Variants in RPGRIP1L observed in about 807,000 individuals in gnomAD.
The protein encoded by RPGRIP1L is RPGRIP1 like, also known as protein fantom.
In RPGRIP1L, 131 loss-of-function variants were observed where a neutral mutation model predicts 160.4. The ratio of observed to expected loss-of-function variants is 0.82; its 90% CI spans 0.71 to 0.94. The LOEUF is 0.94. Among genes scored for constraint, RPGRIP1L ranks in the 40% least tolerant of loss-of-function variants. The probability of loss-of-function intolerance (pLI) is 0.00; values close to 1 mark genes in which losing one functional copy is unlikely to be tolerated. For missense variants in RPGRIP1L, 1,522 were observed against 1,535.8 expected, an observed-to-expected ratio of 0.99 and a Z score of 0.15; for synonymous variants, 510 against 515.8, an observed-to-expected ratio of 0.99 and a Z score of 0.15.
chr16:53,693,147 T>C (rs964264280), intron 3 of RPGRIP1L, among the ~76,000 whole-genome samples: 1 of 152,148 alleles, frequency 6.6e-6, no homozygotes, highest in Non-Finnish European at 1.5e-5. Context: ...TGACAGTGAA[T>C]GGAAAAATCT....
intron 14 of RPGRIP1L, among the ~76,000 whole-genome samples, chr16:53,655,134 T>C (rs556575702): frequency 6.6e-6 from 1 of 152,330 alleles, no homozygotes; most frequent in African/African-American, 2.4e-5. Flanking sequence ...ACAGATTAAA[T>C]GCAGAAGCAG....
chr16:53,697,269 C>T lies in RPGRIP1L; in HGVS notation c.86-974G>A, dbSNP rs144414599. ...GCTGCTTGAACAGGAACATCACTGACAGAAAATTCATATGATCATTAAACA... is the reference window on the plus strand; with the variant it reads ...GCTGCTTGAACAGGAACATCACTGATAGAAAATTCATATGATCATTAAACA... On this transcript the variant is annotated intron_variant, in intron 2 of 26. Transcript: ENST00000647211. Among the ~76,000 whole-genome samples the T allele has an allele frequency of 4.8e-3, 730 of 152,134 alleles. 6 individuals are homozygous for T. Among genetic ancestry groups the T allele is most frequent in the African/African-American group, 0.017 (702 of 41,510 alleles).
At chr16:53,632,134 T>C (rs1209568232) in intron 22 of RPGRIP1L, among the ~76,000 whole-genome samples, 1 of 152,206 alleles carries the variant, frequency 6.6e-6, no homozygotes, top group Non-Finnish European at 1.5e-5. Context: ...TACTGGGAAA[T>C]CTGTTAGATT....
chr16:53,664,116 A>G (rs975983668), intron 10 of RPGRIP1L, among the ~76,000 whole-genome samples: 2 of 152,224 alleles, frequency 1.3e-5, no homozygotes. Flanking sequence ...AGATATAACA[A>G]CACTTAAAGC....
chr16:53,660,564 T>TA (rs66703223), intron 10 of RPGRIP1L, among the ~76,000 whole-genome samples: 136 of 142,124 alleles, frequency 9.6e-4, no homozygotes, highest in Middle Eastern at 3.6e-3. Context: ...AATAAAAAAA[T>TA]AAAAAAAAAA....
rs146074236 is a variant in RPGRIP1L, at chr16:53,619,734, A to G, written c.3433-526T>C. ...ACAGTTCATTCTCTTATATTCTGTC[A>G]TAATATACTTTGTTGAATAAATAAT... On this transcript the variant is annotated intron_variant, in intron 23 of 26. Coordinates refer to ENST00000647211, the MANE Select transcript of RPGRIP1L (RefSeq NM_015272.5). Among the ~76,000 whole-genome samples the G allele has an allele frequency of 9.1e-3, 1,388 of 152,350 alleles. 7 individuals are homozygous for G. Among genetic ancestry groups the G allele is most frequent in the Non-Finnish European group, 0.015 (1,047 of 68,020 alleles).
intron 15 of RPGRIP1L, among the ~76,000 whole-genome samples, chr16:53,650,594 T>C (rs940167361): frequency 3.9e-5 from 6 of 152,002 alleles, no homozygotes; most frequent in Admixed American, 1.3e-4. Flanking sequence ...ACAAAAATCT[T>C]TGAAAGAATC....
At chr16:53,653,656 CATGT>C (rs1186662014) in intron 14 of RPGRIP1L, 1 of 152,212 alleles carries the variant, frequency 6.6e-6, no homozygotes, top group Admixed American at 6.5e-5. Context: ...CCTGGACTTC[CATGT>C]ATGTCATCAT....
At chr16:53,675,255 A>T (rs1424667423) in intron 6 of RPGRIP1L, 133 bp from the exon 7 acceptor site, 1 of 659,810 alleles carries the variant, frequency 1.5e-6, no homozygotes, top group African/African-American at 1.8e-5. Flanking sequence ...TCAGTCAATG[A>T]GGTTTTTGGA....
chr16:53,619,018 T>C lies in RPGRIP1L; in HGVS notation c.3616+7A>G, dbSNP rs373003699. 530 of 1,603,294 alleles carry C rather than the reference T, an allele frequency of 3.3e-4. No individual in the cohort carries two copies. The highest frequency in any genetic ancestry group is 4.3e-4 in the Non-Finnish European group (506 of 1,170,192). On this transcript the variant is annotated splice_region_variant and intron_variant, in intron 24 of 26. Coordinates refer to ENST00000647211, the MANE Select transcript of RPGRIP1L (RefSeq NM_015272.5). ...AAAAGTCTATATTACAAATGAATCA[T>C]ACATACCATTGCTATAGTTATAGTA...
rs957476715 is a variant in RPGRIP1L at position 53,620,076 on chromosome 16, C to T, written c.3433-868G>A. Among the ~76,000 whole-genome samples the T allele has an allele frequency of 4.6e-5, 7 of 152,162 alleles. No homozygotes were observed. In the East Asian group the frequency reaches 5.8e-4, roughly 13 times the overall value. On this transcript the variant is annotated intron_variant, in intron 23 of 26. Transcript: ENST00000647211. Reference sequence around the variant, plus strand: ...AATCCTATTTTACTAAATTCAGAGACATGCTATAAATTATATAACTTCAAA... The same window carrying T: ...AATCCTATTTTACTAAATTCAGAGATATGCTATAAATTATATAACTTCAAA...
At chr16:53,650,737 T>C (rs755189500) in intron 15 of RPGRIP1L, among the ~76,000 whole-genome samples, 11 of 152,142 alleles carry the variant, frequency 7.2e-5, no homozygotes, top group Non-Finnish European at 1.3e-4. Context: ...ATAAAATCCG[T>C]CCTGAGACCC....
chr16:53,631,033 A>T (rs1463908544), intron 22 of RPGRIP1L, among the ~76,000 whole-genome samples: 4 of 152,136 alleles, frequency 2.6e-5, no homozygotes, highest in South Asian at 2.1e-4. Context: ...GCACCCGGCC[A>T]AGTAAAATAT....
intron 24 of RPGRIP1L, among the ~76,000 whole-genome samples, chr16:53,614,818 G>A (rs1964254689): frequency 6.6e-6 from 1 of 152,068 alleles, no homozygotes; most frequent in Non-Finnish European, 1.5e-5. Context: ...GTATGATTTT[G>A]ACATAAACTT....
intron 26 of RPGRIP1L, among the ~76,000 whole-genome samples, chr16:53,605,111 G>A (rs1963591619): frequency 6.6e-6 from 1 of 152,004 alleles, no homozygotes; most frequent in Non-Finnish European, 1.5e-5. Flanking sequence ...AGCCTAGGAA[G>A]TCGAGGCTGC....
At chr16:53,670,257 A>G (rs1968602273) in intron 9 of RPGRIP1L, among the ~76,000 whole-genome samples, 1 of 152,222 alleles carries the variant, frequency 6.6e-6, no homozygotes, top group East Asian at 1.9e-4. Flanking sequence ...TTAATTTACA[A>G]AATGTAAATT....
chr16:53,697,775 G>A (rs570181852), intron 2 of RPGRIP1L, among the ~76,000 whole-genome samples: 56 of 152,148 alleles, frequency 3.7e-4, no homozygotes, highest in Middle Eastern at 6.8e-3. Context: ...GCCTCTGCCC[G>A]GCCGCCACCC....
intron 3 of RPGRIP1L, chr16:53,695,065 T>G (rs1197139588): frequency 2.4e-6 from 1 of 422,820 alleles, no homozygotes; most frequent in Non-Finnish European, 4.2e-6. Context: ...CCCATTAAAC[T>G]ACATGGCTCA....
At chr16:53,613,597 G>T (rs1964188423) in intron 24 of RPGRIP1L, among the ~76,000 whole-genome samples, 1 of 152,198 alleles carries the variant, frequency 6.6e-6, no homozygotes, top group African/African-American at 2.4e-5. Flanking sequence ...AATTACAGGA[G>T]TAAGCCACCA....
Sources: gnomAD v4.1 joint callset for allele counts (sites outside exome capture counted in the v4.1 genomes callset) on GRCh38, gnomAD v4.1.1 for gene constraint, MANE v1.5 for transcripts, NCBI Gene and HGNC (gene_info 2026-07-23, HGNC 2026-07-21) for gene names.